Variants in ADD3 observed in about 807,000 individuals in gnomAD.
The protein encoded by ADD3 is gamma-adducin.
Under a neutral mutation model 80.2 loss-of-function variants are expected in ADD3, and 25 were observed. The observed-to-expected ratio is 0.31, with a 90% CI of 0.23 to 0.44. The LOEUF is 0.44. Among genes scored for constraint, ADD3 ranks in the 20% least tolerant of loss-of-function variants. The probability of loss-of-function intolerance (pLI) is 1.00; values close to 1 mark genes in which losing one functional copy is unlikely to be tolerated. For missense variants in ADD3, 829 were observed against 847.5 expected (o/e 0.98, Z 0.27); for synonymous variants, 284 against 289.6 (o/e 0.98, Z 0.20).
At chr10:110,058,402 C>T (rs904712706) in intron 1 of ADD3, among the ~76,000 whole-genome samples, 2 of 152,168 alleles carry the variant, frequency 1.3e-5, no homozygotes, top group African/African-American at 2.4e-5. Flanking sequence ...TTCCTTCTCT[C>T]GATTCTACAT....
At chr10:110,003,302 G>GGGGGTGTGTGTGTGTGTGTGT (rs140966434), upstream of ADD3, among the ~76,000 whole-genome samples, 2 of 146,942 alleles carry the variant, frequency 1.4e-5, no homozygotes, top group African/African-American at 5.1e-5. Flanking sequence ...GAACAGTAAG[G>GGGGGTGTGTGTGTGTGTGTGT]GTGTGTGTGT....
intron 1 of ADD3, among the ~76,000 whole-genome samples, chr10:110,031,200 G>T (rs1854977017): frequency 6.6e-6 from 1 of 152,324 alleles, no homozygotes; most frequent in East Asian, 1.9e-4. Context: ...CTTGAACCCG[G>T]AGGGGGAGGT....
chr10:110,072,300 C>T (rs1844821910), intron 1 of ADD3, among the ~76,000 whole-genome samples: 1 of 152,174 alleles, frequency 6.6e-6, no homozygotes, highest in South Asian at 2.1e-4. Context: ...CTCCTGATCT[C>T]GTGATCCCCC....
chr10:110,116,331 T>G lies in ADD3; in HGVS notation c.407T>G (p.Leu136Arg). Residue 136 changes from leucine (L) to arginine (R), a missense_variant, in exon 4 of 15, where the codon CTT becomes CGT. Physicochemically the swap from Leu to Arg is moderately radical, Grantham distance 102. Transcript: ENST00000356080. ...TCCTCATATGTGAAGGGAGAAAAAC[T>G]TACTCGCTGTAAACTTGCCAGCCTG... ...DTSSYVKGEK[L>R]TRCKLASLYR... 6.2e-7 allele frequency: 1 copy of G among 1,614,148 alleles called. No homozygotes were observed. The highest frequency in any genetic ancestry group is 2.2e-5 in the East Asian group (1 of 44,886).
intron 1 of ADD3, among the ~76,000 whole-genome samples, chr10:110,068,738 A>G (rs1023290428): frequency 6.6e-6 from 1 of 152,214 alleles, no homozygotes; most frequent in African/African-American, 2.4e-5. Context: ...TCATTAGTAT[A>G]AAGTACTTAC....
rs1211076275 is a variant in ADD3, at chr10:110,015,471, G to T, written c.-30+7172G>T. 4.0e-5 allele frequency among the ~76,000 whole-genome samples: 6 copies of T among 151,774 alleles called. No homozygotes were observed. The South Asian group carries it at 1.0e-3, about 26-fold the overall frequency. ...GCTCACTGCAAGCTCCGCCTCCTGGGTTCATGCCATTCTCCTGCCTCAGCC... is the reference window on the plus strand; with the variant it reads ...GCTCACTGCAAGCTCCGCCTCCTGGTTTCATGCCATTCTCCTGCCTCAGCC... On this transcript the variant is annotated intron_variant, in intron 1 of 14. Transcript: ENST00000356080.
At chr10:110,119,115 G>A (rs1433467883) in intron 6 of ADD3, 96 bp from the exon 7 acceptor site, 1 of 1,332,854 alleles carries the variant, frequency 7.5e-7, no homozygotes, top group Admixed American at 1.9e-5. Flanking sequence ...ACAGTGAATA[G>A]GCCAGTGTTT....
At chr10:110,008,990 A>G (rs58408257) in intron 1 of ADD3, among the ~76,000 whole-genome samples, 295 of 152,270 alleles carry the variant, frequency 1.9e-3, no homozygotes, top group Middle Eastern at 0.01. Context: ...GAGGTAGGCT[A>G]TTATAGCTTA....
intron 10 of ADD3, among the ~76,000 whole-genome samples, chr10:110,125,487 C>A (rs1645560952): frequency 6.6e-6 from 1 of 151,226 alleles, no homozygotes; most frequent in African/African-American, 2.4e-5. Context: ...GTCTTCAGTG[C>A]AGAAGACAAA....
At chr10:110,053,813 G>A (rs547238734) in intron 1 of ADD3, among the ~76,000 whole-genome samples, 2 of 152,250 alleles carry the variant, frequency 1.3e-5, no homozygotes, top group Admixed American at 6.5e-5. Context: ...AACTTTTATG[G>A]AAGGCAATTT....
At position 110,132,297 on chromosome 10, in the gene ADD3, T is replaced by A; in HGVS notation, c.1733-8T>A. 6 of 1,607,678 alleles carry A rather than the reference T, an allele frequency of 3.7e-6. No individual in the cohort carries two copies. The highest frequency in any genetic ancestry group is 5.1e-6 in the Non-Finnish European group (6 of 1,175,120). ...TGCATGGCTTTTAACTAAACTCTTA[T>A]CCAACAGATGCTGAGCAGGAATTAC... On this transcript the variant is annotated splice_polypyrimidine_tract_variant and splice_region_variant and intron_variant, in intron 13 of 14. Transcript: ENST00000356080.
intron 1 of ADD3, among the ~76,000 whole-genome samples, chr10:110,063,459 T>TA (rs1346307173): frequency 6.6e-6 from 1 of 151,944 alleles, no homozygotes; most frequent in Non-Finnish European, 1.5e-5. Context: ...ATAGAGCTCA[T>TA]ATAGGAGAAC....
At chr10:110,047,236 A>G (rs1393551068) in intron 1 of ADD3, among the ~76,000 whole-genome samples, 3 of 152,240 alleles carry the variant, frequency 2.0e-5, no homozygotes, top group Non-Finnish European at 4.4e-5. Flanking sequence ...ACTCAATAAT[A>G]TAGGTAACTC....
chr10:110,070,735 G>A (rs964450771), intron 1 of ADD3, among the ~76,000 whole-genome samples: 4 of 152,058 alleles, frequency 2.6e-5, no homozygotes, highest in Non-Finnish European at 5.9e-5. Flanking sequence ...AGGGGTTGAA[G>A]GATAAAGATT....
At chr10:110,025,088 G>T (rs1854126629) in intron 1 of ADD3, among the ~76,000 whole-genome samples, 1 of 151,912 alleles carries the variant, frequency 6.6e-6, no homozygotes, top group Non-Finnish European at 1.5e-5. Flanking sequence ...TAGCGTCGGG[G>T]TTTTGCCATG....
At chr10:110,123,987 T>A (rs372500076) in intron 9 of ADD3, 30 bp from the exon 10 acceptor site, 76 of 1,604,570 alleles carry the variant, frequency 4.7e-5, no homozygotes, top group Non-Finnish European at 6.1e-5. Flanking sequence ...ACAGGTTTGA[T>A]GCTTCAAATG....
At chr10:110,015,208 G>C (rs1462763900) in intron 1 of ADD3, among the ~76,000 whole-genome samples, 19 of 151,940 alleles carry the variant, frequency 1.3e-4, no homozygotes, top group Admixed American at 1.2e-3. Context: ...GTTAAATTTC[G>C]AATAAAGATT....
chr10:110,079,174 T>C (rs1845725131), intron 1 of ADD3: 1 of 152,136 alleles, frequency 6.6e-6, no homozygotes, highest in African/African-American at 2.4e-5. Context: ...ATATAATGTG[T>C]CATGTACATT....
intron 3 of ADD3, among the ~76,000 whole-genome samples, chr10:110,114,699 G>A (rs1243862043): frequency 6.6e-6 from 1 of 152,168 alleles, no homozygotes; most frequent in Non-Finnish European, 1.5e-5. Context: ...GGAGAAGAGA[G>A]AAGGTAAGAA....
Sources: gnomAD v4.1 joint callset for allele counts (sites outside exome capture counted in the v4.1 genomes callset) on GRCh38, gnomAD v4.1.1 for gene constraint, MANE v1.5 for transcripts, NCBI Gene and HGNC (gene_info 2026-07-23, HGNC 2026-07-21) for gene names.